PANK1: variants seen among roughly 807,000 people sequenced by gnomAD.
PANK1 encodes pantothenate kinase 1.
A neutral mutation model predicts 40.1 loss-of-function variants in PANK1; 18 were observed. That is an observed-to-expected ratio of 0.45 (90% CI 0.31 to 0.67). The LOEUF is 0.67. PANK1 is among the 30% of genes least tolerant of loss of function. The pLI, the probability that PANK1 is intolerant of heterozygous loss-of-function variation, is 0.06. For missense variants in PANK1, 457 were observed against 599.6 expected (o/e 0.76, Z 2.48); for synonymous variants, 242 against 237.7 (o/e 1.02, Z -0.17).
At chr10:89,592,710 G>A (rs755762779) in intron 5 of PANK1, 1 of 533,740 alleles carries the variant, frequency 1.9e-6, no homozygotes, top group Non-Finnish European at 3.8e-6. Context: ...CCCTTTTTGT[G>A]CCTGGGACTC....
At chr10:89,588,868 C>A (rs1449404191) in intron 5 of PANK1, 91 bp from the exon 6 acceptor site, 6 of 811,080 alleles carry the variant, frequency 7.4e-6, no homozygotes, top group Middle Eastern at 2.5e-4. Context: ...TGTACAGAAC[C>A]TTGAAGAGTG....
chr10:89,641,135 T>G (rs1333845075), intron 1 of PANK1, among the ~76,000 whole-genome samples: 1 of 152,234 alleles, frequency 6.6e-6, no homozygotes, highest in African/African-American at 2.4e-5. Flanking sequence ...TTTTTGAACT[T>G]GCAATGTCTC....
At chr10:89,644,469 TGTGCA>T (rs1842053831) in intron 1 of PANK1, 126 bp downstream of exon 1, 1 of 740,648 alleles carries the variant, frequency 1.4e-6, no homozygotes, top group Non-Finnish European at 2.1e-6. Context: ...GAACCTACTC[TGTGCA>T]GTCCCTCGAC....
chr10:89,614,480 CTG>C lies in PANK1; in HGVS notation c.293-2434_293-2433del, dbSNP rs1196587927. On this transcript the variant is annotated intron_variant, in intron 1 of 6. Transcript: ENST00000307534. ...TCCAATAAAATGGATGACTTCCAAA[CTG>C]TAGAATATTAGGCAGCTATTAAAAA... Among the ~76,000 whole-genome samples the C allele has an allele frequency of 2.0e-5, 3 of 152,172 alleles. No homozygotes were observed. The South Asian group carries it at 6.2e-4, about 32-fold the overall frequency.
At chr10:89,637,091 C>T (rs1333957285) in intron 1 of PANK1, among the ~76,000 whole-genome samples, 1 of 151,764 alleles carries the variant, frequency 6.6e-6, no homozygotes, top group Non-Finnish European at 1.5e-5. Flanking sequence ...ATCTCCTGAC[C>T]TTCTGATCCA....
chr10:89,615,793 T>C (rs1845298882), intron 1 of PANK1, among the ~76,000 whole-genome samples: 1 of 152,236 alleles, frequency 6.6e-6, no homozygotes, highest in South Asian at 2.1e-4. Context: ...CACTGTCTTA[T>C]ATTAAATGTA....
downstream of PANK1, chr10:89,581,994 C>T (rs1844060740): frequency 1.3e-5 from 2 of 152,192 alleles, no homozygotes; most frequent in Admixed American, 1.3e-4. Flanking sequence ...TTAAGAATTA[C>T]TGATTTAATA....
chr10:89,640,989 G>A (rs553373943), intron 1 of PANK1, among the ~76,000 whole-genome samples: 1 of 152,272 alleles, frequency 6.6e-6, no homozygotes, highest in Non-Finnish European at 1.5e-5. Flanking sequence ...CTGGACACTT[G>A]GGCCTTAAAT....
chr10:89,644,370 C>G (rs142519482), intron 1 of PANK1, among the ~76,000 whole-genome samples: 2 of 152,220 alleles, frequency 1.3e-5, no homozygotes, highest in Non-Finnish European at 2.9e-5. Context: ...CGTGTCCAAT[C>G]CTCGTTCTAC....
chr10:89,605,151 T>G (rs1844920121), intron 2 of PANK1, among the ~76,000 whole-genome samples: 1 of 152,142 alleles, frequency 6.6e-6, no homozygotes, highest in African/African-American at 2.4e-5. Flanking sequence ...ATTAGTAATC[T>G]TTTTGCTGGT....
intron 1 of PANK1, chr10:89,626,597 C>T (rs1182526636): frequency 6.6e-6 from 1 of 152,270 alleles, no homozygotes; most frequent in African/African-American, 2.4e-5. Context: ...AGGTCCTCAG[C>T]TTTAATTATG....
At position 89,598,796 on chromosome 10, in the gene PANK1, T is replaced by TA. The variant is rs902487737; in HGVS notation, c.899+455dup. The stretch of plus-strand genomic sequence containing the variant: ...TTCAGGTGGAGCATTTGGCTGAGGG[T>TA]AAAAAAACATTCTTTGTAGACATAG... On this transcript the variant is annotated intron_variant, in intron 3 of 6. Coordinates refer to ENST00000307534, the MANE Select transcript of PANK1 (RefSeq NM_148977.3). Among the ~76,000 whole-genome samples the TA allele has an allele frequency of 2.5e-3, 387 of 152,116 alleles. 2 individuals carry two copies. The highest frequency in any genetic ancestry group is 9.1e-3 in the African/African-American group (376 of 41,526).
chr10:89,619,579 G>A (rs1845420291), intron 1 of PANK1, among the ~76,000 whole-genome samples: 1 of 152,170 alleles, frequency 6.6e-6, no homozygotes, highest in Non-Finnish European at 1.5e-5. Flanking sequence ...TGTTCCTGGT[G>A]AGATTCCCTA....
intron 2 of PANK1, among the ~76,000 whole-genome samples, chr10:89,608,178 C>T (rs1218291160): frequency 6.6e-6 from 1 of 151,940 alleles, no homozygotes; most frequent in East Asian, 1.9e-4. Flanking sequence ...ACTACAGGCG[C>T]CCGCGACCAC....
In PANK1 at chr10:89,645,095, C is replaced by T. The variant is rs1459334025; in HGVS notation, c.-204G>A. On this transcript the variant is annotated 5_prime_UTR_variant, in exon 1 of 7. Transcript: ENST00000307534. ...TCCTCTGCGCCCTGCCCCCCGCGCG[C>T]CGGCCCCACGGCGCCGGCCTGGAGC... The T allele has an allele frequency of 4.0e-6, 6 of 1,483,910 alleles. No individual in the cohort carries two copies. In the East Asian group the frequency reaches 8.6e-5, roughly 21 times the overall value. 91.9% of individuals were successfully genotyped at this position (1,483,910 alleles called of 1,614,324 possible). A position where few individuals can be genotyped will look rare whatever the true frequency, so the allele number is the denominator to read the frequency against.
intron 1 of PANK1, among the ~76,000 whole-genome samples, chr10:89,636,169 C>T (rs886906076): frequency 1.3e-5 from 2 of 152,124 alleles, no homozygotes; most frequent in Non-Finnish European, 2.9e-5. Context: ...AGACTCTCTG[C>T]GGTAGCTCCT....
intron 2 of PANK1, among the ~76,000 whole-genome samples, chr10:89,600,681 C>A (rs909223128): frequency 6.6e-6 from 1 of 152,084 alleles, no homozygotes; most frequent in African/African-American, 2.4e-5. Flanking sequence ...TGGCTGAGGG[C>A]TAGGCTTAGG....
At chr10:89,608,867 G>A (rs1006588973) in intron 2 of PANK1, among the ~76,000 whole-genome samples, 8 of 152,112 alleles carry the variant, frequency 5.3e-5, no homozygotes, top group African/African-American at 1.9e-4. Flanking sequence ...GGAGAGCTTG[G>A]ATTATTAGGA....
chr10:89,595,193 G>A (rs1481362098), intron 3 of PANK1, among the ~76,000 whole-genome samples: 3 of 152,214 alleles, frequency 2.0e-5, no homozygotes, highest in Admixed American at 6.5e-5. Flanking sequence ...GCTCATGCCT[G>A]TAATACCAGC....
Sources: allele counts gnomAD v4.1 joint callset (sites outside exome capture counted in the v4.1 genomes callset), GRCh38; gene constraint gnomAD v4.1.1; transcripts MANE v1.5; gene names NCBI Gene and HGNC (gene_info 2026-07-23, HGNC 2026-07-21).